The following FRMPD4 variants were observed in gnomAD, a reference collection of about 807,000 sequenced individuals.
The protein encoded by FRMPD4 is FERM and PDZ domain-containing protein 4.
A neutral mutation model predicts 94.1 loss-of-function variants in FRMPD4; 22 were observed. The observed-to-expected ratio is 0.23, with a 90% confidence interval of 0.17 to 0.33. The LOEUF (loss-of-function observed/expected upper bound fraction) is 0.33, where lower values mean the gene tolerates loss of function less well. Ranked by LOEUF, FRMPD4 falls within the 10% of genes least tolerant of loss-of-function variation. The pLI is 1.00. For synonymous variants in FRMPD4, 631 were observed against 548.6 expected, an observed-to-expected ratio of 1.15 and a Z score of -2.10; for missense variants, 1,111 against 1,339.9, an observed-to-expected ratio of 0.83 and a Z score of 2.67.
intron 1 of FRMPD4, among the ~76,000 whole-genome samples, chrX:12,279,932 G>A (rs1465168271): frequency 1.8e-5 from 2 of 111,435 alleles, no homozygotes; most frequent in African/African-American, 6.5e-5. Context: ...CCTACCAGCA[G>A]ATGATCCAGG....
At chrX:12,375,682 G>C (rs999794588) in intron 1 of FRMPD4, among the ~76,000 whole-genome samples, 1 of 112,244 alleles carries the variant, frequency 8.9e-6, no homozygotes, top group African/African-American at 3.2e-5. Context: ...AAAGTCTCTT[G>C]CGATCCAACA....
chrX:12,663,453 C>A (rs1010764141), intron 4 of FRMPD4, among the ~76,000 whole-genome samples: 1 of 112,214 alleles, frequency 8.9e-6, no homozygotes, highest in African/African-American at 3.2e-5. Flanking sequence ...AATAGGGAAT[C>A]CTTTCCCCAT....
chrX:12,646,667 A>G lies in FRMPD4; in HGVS notation c.423-28196A>G, dbSNP rs138426430. ...ATTTTTACCTGCAGTAAGAAGGTAT[A>G]TTCCATCCTGTAGCTGTTTATAAAC... On this transcript the variant is annotated intron_variant, in intron 4 of 16. Transcript: ENST00000675598. Among the ~76,000 whole-genome samples the G allele has an allele frequency of 4.3e-3, 478 of 112,098 alleles. 1 individual carries two copies. Among genetic ancestry groups the G allele is most frequent in the African/African-American group, 0.015 (459 of 30,916 alleles).
intron 1 of FRMPD4, among the ~76,000 whole-genome samples, chrX:12,360,957 GAAAA>G (rs71871271): frequency 1.7e-5 from 1 of 58,874 alleles, no homozygotes; most frequent in African/African-American, 6.3e-5. Context: ...GCCATGAAAA[GAAAA>G]AAAAAAAAAA....
chrX:11,882,409 A>T (rs2147314371), intron 3 of FRMPD4, among the ~76,000 whole-genome samples: 1 of 111,324 alleles, frequency 9.0e-6, no homozygotes, highest in Admixed American at 9.5e-5. Context: ...AGATTTATAG[A>T]GGACCTTGTA....
chrX:12,029,455 A>T (rs190434569), intron 3 of FRMPD4, among the ~76,000 whole-genome samples: 12 of 111,801 alleles, frequency 1.1e-4, no homozygotes, highest in Non-Finnish European at 2.3e-4. Flanking sequence ...TGCAGAGCAG[A>T]TATTTTTAAT....
chrX:12,033,654 C>G (rs1405116489), intron 3 of FRMPD4, among the ~76,000 whole-genome samples: 2 of 111,572 alleles, frequency 1.8e-5, no homozygotes, highest in Non-Finnish European at 3.8e-5. Flanking sequence ...TACTGGGTGT[C>G]ATACACAGAG....
At chrX:12,683,108 T>C in intron 5 of FRMPD4, among the ~76,000 whole-genome samples, 1 of 112,275 alleles carries the variant, frequency 8.9e-6, no homozygotes, top group Middle Eastern at 4.6e-3. Context: ...AGATGATTAA[T>C]GATCAATTCA....
At chrX:12,276,473 G>A (rs753243543) in intron 1 of FRMPD4, among the ~76,000 whole-genome samples, 36 of 112,446 alleles carry the variant, frequency 3.2e-4, no homozygotes, top group African/African-American at 2.9e-4. Flanking sequence ...AAGATTTTCC[G>A]ATTGGCAATT....
chrX:12,687,254 T>C (rs2060034740), intron 7 of FRMPD4, among the ~76,000 whole-genome samples: 1 of 112,318 alleles, frequency 8.9e-6, no homozygotes, highest in South Asian at 3.7e-4. Context: ...TGTTGGAGCA[T>C]TAAATCATCC....
chrX:11,988,085 A>C (rs951209642), intron 3 of FRMPD4, among the ~76,000 whole-genome samples: 1 of 111,548 alleles, frequency 9.0e-6, no homozygotes, highest in Non-Finnish European at 1.9e-5. Context: ...AGAAAAAAAC[A>C]ACCCTAACAT....
chrX:12,405,170 A>G (rs1041563008), intron 1 of FRMPD4, among the ~76,000 whole-genome samples: 4 of 111,587 alleles, frequency 3.6e-5, no homozygotes, highest in African/African-American at 1.3e-4. Context: ...TCACTGGTTT[A>G]AAGGGAGTTA....
chrX:11,966,535 A>G (rs2054310565), intron 3 of FRMPD4, among the ~76,000 whole-genome samples: 1 of 111,373 alleles, frequency 9.0e-6, no homozygotes, highest in South Asian at 3.8e-4. Flanking sequence ...CATCATCATC[A>G]TCATCATCAT....
At chrX:12,084,184 G>GA (rs1555921476) in intron 3 of FRMPD4, among the ~76,000 whole-genome samples, 2 of 99,065 alleles carry the variant, frequency 2.0e-5, no homozygotes, top group Non-Finnish European at 4.1e-5. Context: ...CAGTGGGGGG[G>GA]GGGGTAATTG....
intron 6 of FRMPD4, among the ~76,000 whole-genome samples, chrX:12,685,130 G>C (rs1022686619): frequency 1.2e-4 from 13 of 112,008 alleles, no homozygotes; most frequent in Non-Finnish European, 2.3e-4. Flanking sequence ...AATAGGAAGT[G>C]AAAGGCAGGA....
intron 2 of FRMPD4, among the ~76,000 whole-genome samples, chrX:11,869,590 A>T (rs918661082): frequency 3.6e-5 from 4 of 111,898 alleles, no homozygotes; most frequent in African/African-American, 1.3e-4. Flanking sequence ...TGATTTGTCC[A>T]TTGAAAATAA....
intron 3 of FRMPD4, among the ~76,000 whole-genome samples, chrX:12,024,656 C>A (rs2147427197): frequency 8.9e-6 from 1 of 112,166 alleles, no homozygotes. Context: ...ATTTTCCCTA[C>A]CCCCTCCCCA....
At chrX:12,022,674 G>A (rs1473640383) in intron 3 of FRMPD4, among the ~76,000 whole-genome samples, 1 of 111,616 alleles carries the variant, frequency 9.0e-6, no homozygotes, top group Non-Finnish European at 1.9e-5. Context: ...TCTAATCACA[G>A]AATCCTTCAC....
intron 1 of FRMPD4, among the ~76,000 whole-genome samples, chrX:12,419,258 G>A (rs747193651): frequency 3.2e-4 from 35 of 110,857 alleles, no homozygotes; most frequent in South Asian, 2.0e-3. Flanking sequence ...TTCCTGTCTC[G>A]GACAAAGCAT....
Sources: allele counts gnomAD v4.1 joint callset (sites outside exome capture counted in the v4.1 genomes callset), GRCh38; gene constraint gnomAD v4.1.1; transcripts MANE v1.5; gene names NCBI Gene and HGNC (gene_info 2026-07-23, HGNC 2026-07-21).